The following MARCHF1 variants were observed in gnomAD, a reference collection of about 807,000 sequenced individuals.
MARCHF1 encodes the protein membrane associated ring-CH-type finger 1.
Under a neutral mutation model 54.2 loss-of-function variants are expected in MARCHF1, and 40 were observed. The observed-to-expected ratio is 0.74, with a 90% CI of 0.57 to 0.96. The LOEUF (loss-of-function observed/expected upper bound fraction) is 0.96. MARCHF1 is among the 40% of genes least tolerant of loss of function. The probability of loss-of-function intolerance (pLI) is 0.00; values close to 1 mark genes in which losing one functional copy is unlikely to be tolerated. For missense variants in MARCHF1, 586 were observed against 656.5 expected (o/e 0.89, Z 1.17); for synonymous variants, 236 against 236.3 (o/e 1.00, Z 0.01).
chr4:164,079,922 A>G (rs1409119290), intron 2 of MARCHF1, among the ~76,000 whole-genome samples: 1 of 152,208 alleles, frequency 6.6e-6, no homozygotes, highest in Non-Finnish European at 1.5e-5. Flanking sequence ...GTGATAGCCT[A>G]CTACACTGGT....
chr4:164,045,223 G>GT (rs927313296), intron 2 of MARCHF1, among the ~76,000 whole-genome samples: 60 of 151,716 alleles, frequency 4.0e-4, no homozygotes, highest in Middle Eastern at 3.4e-3. Flanking sequence ...TTAAATTAAC[G>GT]TTTTTTGGCC....
At chr4:164,341,113 GAAT>G (rs1729915014) in intron 1 of MARCHF1, among the ~76,000 whole-genome samples, 1 of 152,000 alleles carries the variant, frequency 6.6e-6, no homozygotes, top group Non-Finnish European at 1.5e-5. Flanking sequence ...TTAAAAGAAT[GAAT>G]AATAAAAATC....
At chr4:163,879,508 T>G (rs1238495493) in intron 3 of MARCHF1, among the ~76,000 whole-genome samples, 1 of 152,216 alleles carries the variant, frequency 6.6e-6, no homozygotes, top group East Asian at 1.9e-4. Flanking sequence ...CATGATATAT[T>G]CTTTAAGGAG....
intron 3 of MARCHF1, among the ~76,000 whole-genome samples, chr4:163,971,771 A>G (rs891909933): frequency 3.9e-5 from 6 of 152,208 alleles, no homozygotes; most frequent in African/African-American, 1.4e-4. Context: ...GATATATTGG[A>G]GAGCTGCTAA....
At chr4:163,909,663 TAATAC>T (rs1291167657) in intron 3 of MARCHF1, among the ~76,000 whole-genome samples, 1 of 152,176 alleles carries the variant, frequency 6.6e-6, no homozygotes, top group Non-Finnish European at 1.5e-5. Context: ...TTCCATAATC[TAATAC>T]ATCATACCAT....
At chr4:163,585,960 TC>T in intron 7 of MARCHF1, 31 bp from the exon 8 acceptor site, 4 of 1,564,270 alleles carry the variant, frequency 2.6e-6, no homozygotes, top group Non-Finnish European at 3.5e-6. Flanking sequence ...CAGTATGAGA[TC>T]TCCCAGAGAA....
In MARCHF1 at chr4:163,821,001, C is replaced by G. The variant is rs541807546; in HGVS notation, c.111+33020G>C. On this transcript the variant is annotated intron_variant, in intron 4 of 9. Coordinates refer to ENST00000514618, the MANE Select transcript of MARCHF1 (RefSeq NM_001394959.1). ...TTAAGATAAAAAGTAAGCTTGTTAA[C>G]TTCCTCTACACTGTCCCGCATGGTC... 2.2e-3 allele frequency among the ~76,000 whole-genome samples: 338 copies of G among 152,192 alleles called. 2 individuals are homozygous for G. Among genetic ancestry groups the G allele is most frequent in the African/African-American group, 7.8e-3 (322 of 41,548 alleles).
At chr4:163,732,879 C>T (rs972978438) in intron 4 of MARCHF1, among the ~76,000 whole-genome samples, 36 of 151,916 alleles carry the variant, frequency 2.4e-4, no homozygotes, top group Admixed American at 7.9e-4. Flanking sequence ...AAGCCGGATG[C>T]GGTGGCTCCC....
chr4:163,807,104 A>G (rs79702623), intron 4 of MARCHF1, among the ~76,000 whole-genome samples: 7,047 of 152,234 alleles, frequency 0.046, 212 homozygotes, highest in African/African-American at 0.084. Context: ...ACAGCACAAT[A>G]TTTGCTGAAG....
chr4:163,617,510 A>C (rs1403987481), intron 5 of MARCHF1, among the ~76,000 whole-genome samples: 1 of 152,182 alleles, frequency 6.6e-6, no homozygotes, highest in African/African-American at 2.4e-5. Flanking sequence ...AAATTATTAC[A>C]CATTAAGTAA....
chr4:164,290,670 T>C (rs898812937), intron 1 of MARCHF1, among the ~76,000 whole-genome samples: 17 of 152,034 alleles, frequency 1.1e-4, no homozygotes, highest in African/African-American at 3.4e-4. Flanking sequence ...TAAATGAATA[T>C]TTAATTCATA....
chr4:164,186,418 C>A (rs1730972038), intron 1 of MARCHF1, among the ~76,000 whole-genome samples: 2 of 152,084 alleles, frequency 1.3e-5, no homozygotes, highest in Admixed American at 6.5e-5. Context: ...AATTGAGAAC[C>A]AATACACTGC....
intron 1 of MARCHF1, among the ~76,000 whole-genome samples, chr4:164,376,475 C>T (rs1442154354): frequency 6.6e-6 from 1 of 152,070 alleles, no homozygotes; most frequent in Admixed American, 6.6e-5. Flanking sequence ...AAATTATGTG[C>T]AAATAATACA....
rs1233858379 is a variant in MARCHF1, at chr4:163,796,906, C to G, written c.111+57115G>C. 2.0e-5 allele frequency among the ~76,000 whole-genome samples: 3 copies of G among 152,092 alleles called. No individual in the cohort carries two copies. The South Asian group carries it at 6.2e-4, about 31-fold the overall frequency. On this transcript the variant is annotated intron_variant, in intron 4 of 9. Coordinates refer to ENST00000514618, the MANE Select transcript of MARCHF1 (RefSeq NM_001394959.1). ...CTGCATCTTACGATTCTTATGCCAG[C>G]TTTGTCTAATATGTTGGATCTACTT...
At chr4:164,120,880 G>A (rs942851666) in intron 1 of MARCHF1, among the ~76,000 whole-genome samples, 13 of 151,696 alleles carry the variant, frequency 8.6e-5, no homozygotes, top group African/African-American at 2.4e-5. Context: ...GATCAAAAAA[G>A]AGAAAAAAAC....
At chr4:163,533,880 G>T (rs12650017) in intron 9 of MARCHF1, among the ~76,000 whole-genome samples, 59,748 of 151,368 alleles carry the variant, frequency 0.39, 12,900 homozygotes, top group Admixed American at 0.53. Context: ...TTTCTTTTTA[G>T]CCATGCCCAA....
At chr4:163,967,291 T>C (rs17044337) in intron 3 of MARCHF1, among the ~76,000 whole-genome samples, 5,336 of 152,162 alleles carry the variant, frequency 0.035, 341 homozygotes, top group African/African-American at 0.12. Flanking sequence ...CGCTTCTTGA[T>C]AGAGATCAGT....
chr4:163,653,250 A>G (rs1579160953), intron 5 of MARCHF1, among the ~76,000 whole-genome samples: 1 of 151,784 alleles, frequency 6.6e-6, no homozygotes, highest in East Asian at 1.9e-4. Context: ...ATGCTCTGAT[A>G]TGATTGCAGC....
At chr4:163,729,018 C>T (rs1269884701) in intron 4 of MARCHF1, among the ~76,000 whole-genome samples, 2 of 152,042 alleles carry the variant, frequency 1.3e-5, no homozygotes, top group African/African-American at 4.8e-5. Context: ...TCTTCTGTAT[C>T]TATTGATGTG....
Sources: gnomAD v4.1 joint callset for allele counts (sites outside exome capture counted in the v4.1 genomes callset) on GRCh38, gnomAD v4.1.1 for gene constraint, MANE v1.5 for transcripts, NCBI Gene and HGNC (gene_info 2026-07-23, HGNC 2026-07-21) for gene names.